Variants in HDAC9 observed in about 807,000 individuals in gnomAD.
HDAC9 encodes histone deacetylase 9, also known as MEF-2 interacting transcription repressor (MITR) protein.
In HDAC9, 41 loss-of-function variants were observed where a neutral mutation model predicts 139.4. That is an observed-to-expected ratio of 0.29 (90% CI 0.23 to 0.38). The LOEUF is 0.38. HDAC9 is among the 10% of genes least tolerant of loss of function. The probability of loss-of-function intolerance (pLI) is 1.00; values close to 1 mark genes in which losing one functional copy is unlikely to be tolerated. For synonymous variants in HDAC9, 517 were observed against 476.2 expected, an observed-to-expected ratio of 1.09 and a Z score of -1.12; for missense variants, 1,147 against 1,297.0, an observed-to-expected ratio of 0.88 and a Z score of 1.78.
At chr7:18,392,214 G>A (rs1197313843) in intron 1 of HDAC9, among the ~76,000 whole-genome samples, 5 of 151,774 alleles carry the variant, frequency 3.3e-5, no homozygotes, top group African/African-American at 1.2e-4. Context: ...TGATCCACAA[G>A]TGTGCTGTGA....
At chr7:18,299,699 AG>A (rs1240938575) in intron 1 of HDAC9, among the ~76,000 whole-genome samples, 7 of 152,208 alleles carry the variant, frequency 4.6e-5, no homozygotes, top group African/African-American at 1.7e-4. Flanking sequence ...TGCTGGCTCA[AG>A]AAGGCAGGAA....
chr7:18,475,052 G>C (rs1372941279), intron 1 of HDAC9, among the ~76,000 whole-genome samples: 1 of 152,212 alleles, frequency 6.6e-6, no homozygotes, highest in South Asian at 2.1e-4. Context: ...TTACCCTGTG[G>C]GTTTTGTGGC....
intron 1 of HDAC9, among the ~76,000 whole-genome samples, chr7:18,379,420 A>C (rs937345386): frequency 8.5e-5 from 13 of 152,216 alleles, no homozygotes; most frequent in Admixed American, 2.6e-4. Context: ...TATTGTGAGC[A>C]TCTTTTCAGG....
rs1422767293 is a variant in HDAC9 at position 18,977,919 on chromosome 7, G to GACAGACACACACAC, written c.3170+1969_3170+1970insGACACACACACACA. On this transcript the variant is annotated intron_variant, in intron 25 of 25. Transcript: ENST00000686413. The stretch of plus-strand genomic sequence containing the variant: ...GAATTTCCTCAGAGACAGACAGACA[G>GACAGACACACACAC]ACACACACACACACACACACACACA... 2.1e-3 allele frequency among the ~76,000 whole-genome samples: 302 copies of GACAGACACACACAC among 141,022 alleles called. 4 individuals are homozygous for GACAGACACACACAC. The highest frequency in any genetic ancestry group is 8.0e-3 in the African/African-American group (297 of 36,972). The allele number at this position is 141,022 out of a possible 152,430, so 92.5% of individuals were successfully genotyped here. A position where few individuals can be genotyped will look rare whatever the true frequency, so the allele number is the denominator to read the frequency against.
intron 7 of HDAC9, among the ~76,000 whole-genome samples, chr7:18,630,354 C>T (rs975558775): frequency 1.3e-5 from 2 of 151,800 alleles, no homozygotes; most frequent in South Asian, 2.1e-4. Flanking sequence ...GGTATTAGTT[C>T]TCCAAGATCA....
intron 1 of HDAC9, among the ~76,000 whole-genome samples, chr7:18,441,446 G>A (rs1344096346): frequency 6.6e-6 from 1 of 151,966 alleles, no homozygotes; most frequent in Non-Finnish European, 1.5e-5. Flanking sequence ...GAAGTATTAG[G>A]TGCATATAAA....
At chr7:18,262,147 G>A (rs1795722575) in intron 2 of HDAC9, among the ~76,000 whole-genome samples, 1 of 152,040 alleles carries the variant, frequency 6.6e-6, no homozygotes, top group Non-Finnish European at 1.5e-5. Flanking sequence ...AACTGCAAAG[G>A]GCTATAGTAA....
At position 18,585,348 on chromosome 7, in the gene HDAC9, C is replaced by G. The variant is rs773781575; in HGVS notation, c.90C>G (p.Leu30=). 2 of 1,613,734 alleles carry G rather than the reference C, an allele frequency of 1.2e-6. No homozygotes were observed. Among genetic ancestry groups the G allele is most frequent in the Admixed American group, 3.3e-5 (2 of 60,012 alleles). The stretch of plus-strand genomic sequence containing the variant: ...CACCTTTAGACCTAAGGACAGACCT[C>G]AGGATGATGATGCCCGTGGTGGACC... ...PISPLDLRTD[L]RMMMPVVDPV... The change falls in exon 3 of 26, where the codon CTC becomes CTG. Residue 30 remains leucine (L), a synonymous_variant. Transcript: ENST00000686413.
upstream of HDAC9, among the ~76,000 whole-genome samples, chr7:18,285,449 T>A (rs1269494425): frequency 6.6e-6 from 1 of 152,146 alleles, no homozygotes; most frequent in Non-Finnish European, 1.5e-5. Context: ...TAAATCACTA[T>A]CCACATCCTT....
chr7:18,223,859 C>G (rs1014929942), intron 2 of HDAC9, among the ~76,000 whole-genome samples: 18 of 152,152 alleles, frequency 1.2e-4, no homozygotes, highest in African/African-American at 4.1e-4. Flanking sequence ...GTCTTTAAAA[C>G]TTCTCTCGAC....
chr7:18,713,000 T>A (rs930484282), intron 12 of HDAC9, among the ~76,000 whole-genome samples: 2 of 152,214 alleles, frequency 1.3e-5, no homozygotes, highest in African/African-American at 4.8e-5. Context: ...TTGTTAAGCC[T>A]TGTCTAATCA....
intron 16 of HDAC9, among the ~76,000 whole-genome samples, chr7:18,782,963 C>A (rs1206879716): frequency 6.6e-6 from 1 of 152,046 alleles, no homozygotes; most frequent in Non-Finnish European, 1.5e-5. Context: ...CACCAAATGT[C>A]AATGATGTCC....
At chr7:18,824,563 T>G (rs1045799584) in intron 17 of HDAC9, among the ~76,000 whole-genome samples, 2 of 152,156 alleles carry the variant, frequency 1.3e-5, no homozygotes, top group African/African-American at 4.8e-5. Context: ...ATTGAAATCA[T>G]GAAAGTGATG....
chr7:18,191,247 A>T (rs1179036858), intron 2 of HDAC9, among the ~76,000 whole-genome samples: 1 of 152,200 alleles, frequency 6.6e-6, no homozygotes, highest in Non-Finnish European at 1.5e-5. Context: ...AATCATAAGG[A>T]AGGAAAGATA....
chr7:18,864,542 G>T (rs1798346270), intron 21 of HDAC9, among the ~76,000 whole-genome samples: 1 of 151,920 alleles, frequency 6.6e-6, no homozygotes, highest in South Asian at 2.1e-4. Context: ...GTACCTACAG[G>T]TAACATTGTA....
chr7:18,772,675 A>G (rs1219789554), intron 16 of HDAC9, among the ~76,000 whole-genome samples: 1 of 152,016 alleles, frequency 6.6e-6, no homozygotes, highest in Non-Finnish European at 1.5e-5. Context: ...TCTTTTTTAT[A>G]TCTCCTCTTC....
chr7:18,803,203 C>T (rs1793441742), intron 17 of HDAC9, among the ~76,000 whole-genome samples: 1 of 151,930 alleles, frequency 6.6e-6, no homozygotes, highest in Non-Finnish European at 1.5e-5. Flanking sequence ...ACATCCTAAA[C>T]TTCACTATCT....
intron 1 of HDAC9, among the ~76,000 whole-genome samples, chr7:18,120,282 C>A (rs913951575): frequency 1.3e-5 from 2 of 152,106 alleles, no homozygotes; most frequent in Admixed American, 1.3e-4. Context: ...ATTATGTGGT[C>A]CACAAGGCCA....
At chr7:18,296,861 T>G (rs1798185838) in intron 1 of HDAC9, among the ~76,000 whole-genome samples, 3 of 152,134 alleles carry the variant, frequency 2.0e-5, no homozygotes, top group Admixed American at 2.0e-4. Flanking sequence ...AACACAGTGT[T>G]AGAATGGAGG....
Sources: allele counts gnomAD v4.1 joint callset (sites outside exome capture counted in the v4.1 genomes callset), GRCh38; gene constraint gnomAD v4.1.1; transcripts MANE v1.5; gene names NCBI Gene and HGNC (gene_info 2026-07-23, HGNC 2026-07-21).